LGALS14: variants seen among roughly 807,000 people sequenced by gnomAD.
LGALS14 encodes galectin 14.
LGALS14 carries 14 observed loss-of-function variants against 14.6 expected under a neutral mutation model. That is an observed-to-expected ratio of 0.96 (90% CI 0.64 to 1.50). The LOEUF (loss-of-function observed/expected upper bound fraction) is 1.50, where lower values mean the gene tolerates loss of function less well. Among genes scored for constraint, LGALS14 ranks in the 40% most tolerant of loss-of-function variants. LGALS14 has a pLI of 0.00. For synonymous variants in LGALS14, 57 were observed against 63.9 expected, an observed-to-expected ratio of 0.89 and a Z score of 0.51; for missense variants, 180 against 172.0, an observed-to-expected ratio of 1.05 and a Z score of -0.26.
chr19:39,708,674 T>C (rs1002162946), intron 3 of LGALS14, among the ~76,000 whole-genome samples: 5 of 152,148 alleles, frequency 3.3e-5, no homozygotes, highest in Admixed American at 3.3e-4. Flanking sequence ...GAAGATAATA[T>C]CCTATGTTTT....
chr19:39,705,158 T>C (rs1259134653), intron 1 of LGALS14, among the ~76,000 whole-genome samples: 1 of 152,176 alleles, frequency 6.6e-6, no homozygotes, highest in African/African-American at 2.4e-5. Context: ...GGTGGGGATC[T>C]TGGGGATTGT....
At chr19:39,708,184 T>C (rs1363106201) in intron 3 of LGALS14, among the ~76,000 whole-genome samples, 1 of 152,092 alleles carries the variant, frequency 6.6e-6, no homozygotes, top group African/African-American at 2.4e-5. Flanking sequence ...CAAATCCTGG[T>C]GTAAGTTGCT....
chr19:39,705,625 T>C (rs1390048151), intron 1 of LGALS14: 1 of 267,844 alleles, frequency 3.7e-6, no homozygotes, highest in African/African-American at 2.2e-5. Context: ...GGAGGGTAAC[T>C]TGAGGCCAGA....
Position 39,709,226 on chromosome 19 carries a change from C to A in LGALS14, c.333C>A (p.Asn111Lys). 1.2e-6 allele frequency: 2 copies of A among 1,613,408 alleles called. No homozygotes were observed. The highest frequency in any genetic ancestry group is 1.7e-6 in the Non-Finnish European group (2 of 1,179,430). ...KVMVNGQRIYNFAHRFPPASV... is the reference protein window; with the variant it reads ...KVMVNGQRIYKFAHRFPPASV... ...TGGTAAATGGCCAACGCATTTACAA[C>A]TTTGCCCATCGATTCCCGCCAGCAT... The change falls in exon 4 of 4, where the codon AAC becomes AAA. Residue 111 changes from asparagine to lysine, a missense_variant. By Grantham distance (94) the Asn-to-Lys change is moderately conservative (BLOSUM62 0). Transcript: ENST00000392052.
chr19:39,708,723 G>T (rs1973754447), intron 3 of LGALS14, among the ~76,000 whole-genome samples: 1 of 152,166 alleles, frequency 6.6e-6, no homozygotes, highest in South Asian at 2.1e-4. Context: ...AGAACCCTGG[G>T]TTTCATTCTT....
In LGALS14 at chr19:39,707,284, T is replaced by C. The variant is rs4830; in HGVS notation, c.199T>C (p.Cys67Arg). Residue 67 changes from cysteine to arginine, a missense_variant, in exon 3 of 4, where the codon TGT becomes CGT. By Grantham distance (180) the Cys-to-Arg change is radical. Coordinates refer to ENST00000392052, the MANE Select transcript of LGALS14 (RefSeq NM_020129.3). ...TGGTCATCCTGCAATCATGAACAGTTGTGTGTTTGGCATATGGAGATATGA... is the reference window on the plus strand; with the variant it reads ...TGGTCATCCTGCAATCATGAACAGTCGTGTGTTTGGCATATGGAGATATGA... The part of the protein sequence containing the change: ...HFGHPAIMNS[C>R]VFGIWRYEEK... The C allele has an allele frequency of 0.67, 1,078,068 of 1,613,706 alleles. 365,681 individuals are homozygous for C. Among genetic ancestry groups the C allele is most frequent in the African/African-American group, 0.79 (59,510 of 74,988 alleles).
At chr19:39,705,716 C>A in intron 1 of LGALS14, 1 of 558,102 alleles carries the variant, frequency 1.8e-6, no homozygotes, top group Non-Finnish European at 3.1e-6. Flanking sequence ...GTGGCAGACA[C>A]CTTTCACCCC....
chr19:39,704,567 C>T, intron 1 of LGALS14, 24 bp downstream of exon 1: 2 of 1,611,784 alleles, frequency 1.2e-6, no homozygotes, highest in Non-Finnish European at 1.7e-6. Flanking sequence ...TCACAGCCTT[C>T]AATAATCTCA....
chr19:39,709,175 T>G (rs370512488), intron 3 of LGALS14, 22 bp from the exon 4 acceptor site: 1 of 1,443,844 alleles, frequency 6.9e-7, no homozygotes, highest in African/African-American at 1.4e-5. Context: ...GCTGTCTTTC[T>G]GATGCATTTT....
chr19:39,708,628 C>T (rs779731867), intron 3 of LGALS14, among the ~76,000 whole-genome samples: 9 of 152,150 alleles, frequency 5.9e-5, no homozygotes, highest in Non-Finnish European at 8.8e-5. Context: ...TATTCAGATT[C>T]AAGTGAGGGA....
intron 1 of LGALS14, chr19:39,706,015 T>G (rs1339889226): frequency 6.2e-7 from 1 of 1,613,724 alleles, no homozygotes; most frequent in Non-Finnish European, 8.5e-7. Context: ...TTGTGGTGCG[T>G]GTACATCCCA....
chr19:39,704,609 G>T (rs553250543), intron 1 of LGALS14, 66 bp downstream of exon 1: 8 of 1,506,138 alleles, frequency 5.3e-6, no homozygotes, highest in South Asian at 1.1e-5. Context: ...AACAGGGGAG[G>T]TTTTCTGAGT....
At chr19:39,706,359 T>A (rs1973714672) in intron 1 of LGALS14, among the ~76,000 whole-genome samples, 1 of 152,202 alleles carries the variant, frequency 6.6e-6, no homozygotes, top group Non-Finnish European at 1.5e-5. Context: ...AAGATTGCAC[T>A]GCTAGTATAA....
At position 39,706,607 on chromosome 19, in the gene LGALS14, C is replaced by T; in HGVS notation, c.26C>T (p.Thr9Ile). 3 of 1,613,688 alleles carry T rather than the reference C, an allele frequency of 1.9e-6. No homozygotes were observed. In the South Asian group the frequency reaches 3.3e-5, roughly 18 times the overall value. MSSLPVPY[T>I]LPVSLPVGSC... ...TCCATACCCTGGCAGGTACCATACACACTGCCTGTTTCCTTGCCTGTTGGT... is the reference window on the plus strand; with the variant it reads ...TCCATACCCTGGCAGGTACCATACATACTGCCTGTTTCCTTGCCTGTTGGT... The change falls in exon 2 of 4, where the codon ACA becomes ATA. Residue 9 changes from threonine to isoleucine, a missense_variant. By Grantham distance (89) the Thr-to-Ile change is moderately conservative. Coordinates refer to ENST00000392052, the MANE Select transcript of LGALS14 (RefSeq NM_020129.3).
At chr19:39,706,562 C>G (rs1307978603) in intron 1 of LGALS14, 35 bp from the exon 2 acceptor site, 1 of 1,533,774 alleles carries the variant, frequency 6.5e-7, no homozygotes, top group East Asian at 2.2e-5. Flanking sequence ...TACACCTTAC[C>G]CTTTAGCTCT....
At chr19:39,706,106 T>C in intron 1 of LGALS14, 2 of 1,514,918 alleles carry the variant, frequency 1.3e-6, no homozygotes, top group Non-Finnish European at 9.0e-7. Flanking sequence ...AATTTTTAAA[T>C]TCTTTCACCC....
chr19:39,708,382 A>G (rs1177198869), intron 3 of LGALS14, among the ~76,000 whole-genome samples: 1 of 152,292 alleles, frequency 6.6e-6, no homozygotes, highest in African/African-American at 2.4e-5. Flanking sequence ...TGCTCTCACA[A>G]ATGATGCCGT....
chr19:39,704,582 A>G, intron 1 of LGALS14, 39 bp downstream of exon 1: 3 of 1,606,314 alleles, frequency 1.9e-6, no homozygotes, highest in Non-Finnish European at 2.6e-6. Context: ...ATCTCAAGTC[A>G]CATAAACCAA....
chr19:39,707,178 C>T lies in LGALS14; in HGVS notation c.93C>T (p.Val31=). Residue 31 remains valine (V), a splice_region_variant and synonymous_variant, in exon 3 of 4, where the codon GTC becomes GTT. Transcript: ENST00000392052. ...AACATGCTGTGTGCTTTGACCTCAG[C>T]AAGGACCCACAGCTGGAGGTGAATT... ...IITGTPILTF[V]KDPQLEVNFY... 6.2e-7 allele frequency: 1 copy of T among 1,612,478 alleles called. No homozygotes were observed. The highest frequency in any genetic ancestry group is 8.5e-7 in the Non-Finnish European group (1 of 1,178,622).
Sources: gnomAD v4.1 joint callset for allele counts (sites outside exome capture counted in the v4.1 genomes callset) on GRCh38, gnomAD v4.1.1 for gene constraint, MANE v1.5 for transcripts, NCBI Gene and HGNC (gene_info 2026-07-23, HGNC 2026-07-21) for gene names.